H2BC21: variants seen among roughly 807,000 people sequenced by gnomAD.
H2BC21 encodes histone H2B type 2-E.
A neutral mutation model predicts 6.2 loss-of-function variants in H2BC21; 2 were observed. The ratio of observed to expected loss-of-function variants is 0.32; its 90% CI spans 0.13 to 1.02. The LOEUF (loss-of-function observed/expected upper bound fraction) is 1.02. Among genes scored for constraint, H2BC21 ranks in the 50% least tolerant of loss-of-function variants. The pLI is 0.47. For synonymous variants in H2BC21, 109 were observed against 75.2 expected, an observed-to-expected ratio of 1.45 and a Z score of -2.33; for missense variants, 98 against 172.2, an observed-to-expected ratio of 0.57 and a Z score of 2.41.
Position 149,886,669 on chromosome 1 carries a change from C to A in H2BC21, c.-29G>T, listed in dbSNP as rs376419949. ...AAGACACAGTACAAACGCGGCTTAG[C>A]CAAGAAAAGAAGTAAGAGAATGGGC... On this transcript the variant is annotated 5_prime_UTR_variant, in exon 1 of 1. Transcript: ENST00000369155. The A allele has an allele frequency of 1.1e-4, 174 of 1,591,686 alleles. No homozygotes were observed. The highest frequency in any genetic ancestry group is 1.4e-4 in the Non-Finnish European group (166 of 1,171,224).
In H2BC21 at chr1:149,885,820, C is replaced by T. The variant is rs1388014578; in HGVS notation, c.*440G>A. The T allele has an allele frequency of 3.8e-6, 1 of 264,770 alleles. No homozygotes were observed. The highest frequency in any genetic ancestry group is 3.6e-5 in the South Asian group (1 of 27,590). 16.4% of individuals were successfully genotyped at this position (264,770 alleles called of 1,614,324 possible). On this transcript the variant is annotated 3_prime_UTR_variant, in exon 1 of 1. Coordinates refer to ENST00000369155, the MANE Select transcript of H2BC21 (RefSeq NM_003528.3). ...ATACAGAGCTGTCACGCAGTGTTTG[C>T]GGAACCCGGGCTGAATTGTGTCCTG...
rs1479986810 is a variant in H2BC21, at chr1:149,884,589, T to C, written c.*1671A>G. On this transcript the variant is annotated 3_prime_UTR_variant, in exon 1 of 1. Transcript: ENST00000369155. ...AGCTCATTTGGATTCATCAAACCCCTGCCATCAGCTCCAAAAGCCCTTAGC... is the reference window on the plus strand; with the variant it reads ...AGCTCATTTGGATTCATCAAACCCCCGCCATCAGCTCCAAAAGCCCTTAGC... 6.6e-6 allele frequency: 1 copy of C among 152,212 alleles called. No homozygotes were observed. Among genetic ancestry groups the C allele is most frequent in the Non-Finnish European group, 1.5e-5 (1 of 68,040 alleles). The allele number at this position is 152,212 out of a possible 1,614,324, so 9.4% of individuals were successfully genotyped here. A position where few individuals can be genotyped will look rare whatever the true frequency, so the allele number is the denominator to read the frequency against.
rs2092287212 is a variant in H2BC21 at position 149,884,789 on chromosome 1, CT to C, written c.*1470del. Reference sequence around the variant, plus strand: ...GCTGCATGACTGTGAACCAATGAGGCTTCTCTTGGCCTCATTTGTAAAAAGG... The same window carrying C: ...GCTGCATGACTGTGAACCAATGAGGCTCTCTTGGCCTCATTTGTAAAAAGG... On this transcript the variant is annotated 3_prime_UTR_variant, in exon 1 of 1. Coordinates refer to ENST00000369155, the MANE Select transcript of H2BC21 (RefSeq NM_003528.3). The C allele has an allele frequency of 6.6e-6, 1 of 152,220 alleles. No homozygotes were observed. The highest frequency in any genetic ancestry group is 1.5e-5 in the Non-Finnish European group (1 of 68,046). 9.4% of individuals were successfully genotyped at this position (152,220 alleles called of 1,614,324 possible). A position where few individuals can be genotyped will look rare whatever the true frequency, so the allele number is the denominator to read the frequency against.
chr1:149,886,012 TAA>T lies in H2BC21; in HGVS notation c.*246_*247del. 1 of 648,490 alleles carries T rather than the reference TAA, an allele frequency of 1.5e-6. No individual in the cohort carries two copies. The highest frequency in any genetic ancestry group is 2.5e-6 in the Non-Finnish European group (1 of 392,474). 40.2% of individuals were successfully genotyped at this position (648,490 alleles called of 1,614,324 possible). A position where few individuals can be genotyped will look rare whatever the true frequency, so the allele number is the denominator to read the frequency against. ...TGGGAAGGCTAAGCAGCACAATGAG[TAA>T]AGACACGCTCTAGATTCAAAAGCAA... On this transcript the variant is annotated 3_prime_UTR_variant, in exon 1 of 1. Coordinates refer to ENST00000369155, the MANE Select transcript of H2BC21 (RefSeq NM_003528.3).
In H2BC21 at chr1:149,886,642, G is replaced by A. The variant is rs782011765; in HGVS notation, c.-2C>T. The A allele has an allele frequency of 1.9e-6, 3 of 1,612,766 alleles. No homozygotes were observed. The highest frequency in any genetic ancestry group is 2.5e-6 in the Non-Finnish European group (3 of 1,179,604). On this transcript the variant is annotated 5_prime_UTR_variant, in exon 1 of 1. Transcript: ENST00000369155. ...AGCGGATTTTGCCGGTTCAGGCATGGTAAGACACAGTACAAACGCGGCTTA... is the reference window on the plus strand; with the variant it reads ...AGCGGATTTTGCCGGTTCAGGCATGATAAGACACAGTACAAACGCGGCTTA...
At position 149,886,064 on chromosome 1, in the gene H2BC21, G is replaced by A. The variant is rs1263120010; in HGVS notation, c.*196C>T. On this transcript the variant is annotated 3_prime_UTR_variant, in exon 1 of 1. Coordinates refer to ENST00000369155, the MANE Select transcript of H2BC21 (RefSeq NM_003528.3). Reference sequence around the variant, plus strand: ...AATCCAATGACGCACTGGGGACCTCGAGTTCCAAATAGTTAAAAAGCTACG... The same window carrying A: ...AATCCAATGACGCACTGGGGACCTCAAGTTCCAAATAGTTAAAAAGCTACG... 3 of 911,432 alleles carry A rather than the reference G, an allele frequency of 3.3e-6. No homozygotes were observed. Among genetic ancestry groups the A allele is most frequent in the Non-Finnish European group, 4.9e-6 (3 of 615,642 alleles). 56.5% of individuals were successfully genotyped at this position (911,432 alleles called of 1,614,324 possible). A position where few individuals can be genotyped will look rare whatever the true frequency, so the allele number is the denominator to read the frequency against.
In H2BC21 at chr1:149,886,323, C is replaced by T; in HGVS notation, c.318G>A (p.Glu106=). Residue 106 remains glutamate (E), a synonymous_variant, in exon 1 of 1, where the codon GAG becomes GAA. Transcript: ENST00000369155. ...QTAVRLLLPG[E]LAKHAVSEGT... ...CCTCGGACACGGCGTGCTTGGCCAG[C>T]TCGCCGGGCAGCAGCAGGCGCACGG... 2 of 1,614,094 alleles carry T rather than the reference C, an allele frequency of 1.2e-6. No individual in the cohort carries two copies. The highest frequency in any genetic ancestry group is 1.7e-6 in the Non-Finnish European group (2 of 1,180,006).
Position 149,886,599 on chromosome 1 carries a change from G to A in H2BC21, c.42C>T (p.Gly14=), listed in dbSNP as rs782081628. 5 of 1,614,110 alleles carry A rather than the reference G, an allele frequency of 3.1e-6. No homozygotes were observed. The highest frequency in any genetic ancestry group is 1.1e-5 in the South Asian group (1 of 91,084). Reference sequence around the variant, plus strand: ...GGGCTTTGGTGACGGCTTTCTTGGAGCCCTTTTTAGGGGCCGGAGCGGATT... The same window carrying A: ...GGGCTTTGGTGACGGCTTTCTTGGAACCCTTTTTAGGGGCCGGAGCGGATT... ...PAKSAPAPKK[G]SKKAVTKAQK... is the part of the protein sequence containing the mutation. Residue 14 remains glycine (G), a synonymous_variant, in exon 1 of 1, where the codon GGC becomes GGT. Transcript: ENST00000369155.
At position 149,886,632 on chromosome 1, in the gene H2BC21, T is replaced by C. The variant is rs139304638; in HGVS notation, c.9A>G (p.Glu3=). MP[E]PAKSAPAPKK... ...TAGGGGCCGGAGCGGATTTTGCCGGTTCAGGCATGGTAAGACACAGTACAA... is the reference window on the plus strand; with the variant it reads ...TAGGGGCCGGAGCGGATTTTGCCGGCTCAGGCATGGTAAGACACAGTACAA... Residue 3 remains glutamate (E), a synonymous_variant, in exon 1 of 1, where the codon GAA becomes GAG. Coordinates refer to ENST00000369155, the MANE Select transcript of H2BC21 (RefSeq NM_003528.3). The C allele has an allele frequency of 3.1e-5, 50 of 1,613,722 alleles. 1 individual carries two copies. The Middle Eastern group carries it at 4.9e-4, about 16-fold the overall frequency.
chr1:149,885,217 G>C lies in H2BC21; in HGVS notation c.*1043C>G, dbSNP rs1467522299. The C allele has an allele frequency of 6.6e-6, 1 of 152,648 alleles. No individual in the cohort carries two copies. Among genetic ancestry groups the C allele is most frequent in the Non-Finnish European group, 1.5e-5 (1 of 68,048 alleles). 9.5% of individuals were successfully genotyped at this position (152,648 alleles called of 1,614,324 possible). A position where few individuals can be genotyped will look rare whatever the true frequency, so the allele number is the denominator to read the frequency against. On this transcript the variant is annotated 3_prime_UTR_variant, in exon 1 of 1. Transcript: ENST00000369155. ...TTCATCCATCCACGGAAGCGATTAA[G>C]AAAAGGGTGGGATGGAAAAATTAAC...
Position 149,884,867 on chromosome 1 carries a change from G to C in H2BC21, c.*1393C>G, listed in dbSNP as rs2092287582. The C allele has an allele frequency of 6.6e-6, 1 of 152,350 alleles. No homozygotes were observed. Among genetic ancestry groups the C allele is most frequent in the East Asian group, 1.9e-4 (1 of 5,194 alleles). The allele number at this position is 152,350 out of a possible 1,614,324, so 9.4% of individuals were successfully genotyped here. ...TTGCATGGCCTCCAGAAAAGCAAAT[G>C]AGGTGGTAAGTGTAAATTAAAAGCT... is the stretch of plus-strand genomic sequence containing the variant. On this transcript the variant is annotated 3_prime_UTR_variant, in exon 1 of 1. Transcript: ENST00000369155.
At position 149,886,128 on chromosome 1, in the gene H2BC21, C is replaced by A; in HGVS notation, c.*132G>T. 6.9e-7 allele frequency: 1 copy of A among 1,455,124 alleles called. No individual in the cohort carries two copies. The highest frequency in any genetic ancestry group is 9.3e-7 in the Non-Finnish European group (1 of 1,078,482). 90.1% of individuals were successfully genotyped at this position (1,455,124 alleles called of 1,614,324 possible). A position where few individuals can be genotyped will look rare whatever the true frequency, so the allele number is the denominator to read the frequency against. ...ATGACCTTCACACTAAAATAACTTA[C>A]TTTATGAAAAGAAACTAAGGGAATA... On this transcript the variant is annotated 3_prime_UTR_variant, in exon 1 of 1. Transcript: ENST00000369155.
Position 149,886,272 on chromosome 1 carries a change from G to T in H2BC21, c.369C>A (p.Thr123=). 1 of 1,614,098 alleles carries T rather than the reference G, an allele frequency of 6.2e-7. No individual in the cohort carries two copies. Among genetic ancestry groups the T allele is most frequent in the Non-Finnish European group, 8.5e-7 (1 of 1,179,968 alleles). The change falls in exon 1 of 1, where the codon ACC becomes ACA. Residue 123 remains threonine (T), a synonymous_variant. Transcript: ENST00000369155. ...SEGTKAVTKY[T]SSK ...TCCCGGCAGGGACTCACTTGGAGCT[G>T]GTGTACTTGGTGACCGCCTTGGTGC...
chr1:149,885,462 G>A lies in H2BC21; in HGVS notation c.*798C>T, dbSNP rs1159999005. On this transcript the variant is annotated 3_prime_UTR_variant, in exon 1 of 1. Coordinates refer to ENST00000369155, the MANE Select transcript of H2BC21 (RefSeq NM_003528.3). ...GAGTGGATGACGTAGGTCTCTGAGA[G>A]GTGACTTTTGAGCCCGTATCTACAT... is the stretch of plus-strand genomic sequence containing the variant. 6.6e-6 allele frequency: 1 copy of A among 152,250 alleles called. No individual in the cohort carries two copies. The highest frequency in any genetic ancestry group is 1.5e-5 in the Non-Finnish European group (1 of 68,068). The allele number at this position is 152,250 out of a possible 1,614,324, so 9.4% of individuals were successfully genotyped here.
In H2BC21 at chr1:149,886,251, G is replaced by C; in HGVS notation, c.*9C>G. 6.2e-7 allele frequency: 1 copy of C among 1,614,050 alleles called. No individual in the cohort carries two copies. Among genetic ancestry groups the C allele is most frequent in the Non-Finnish European group, 8.5e-7 (1 of 1,179,950 alleles). ...CTCGAGCGAGCGAGCGCCAGGTCCC[G>C]GCAGGGACTCACTTGGAGCTGGTGT... is the stretch of plus-strand genomic sequence containing the variant. On this transcript the variant is annotated 3_prime_UTR_variant, in exon 1 of 1. Transcript: ENST00000369155.
rs1553759759 is a variant in H2BC21 at position 149,886,551 on chromosome 1, G to A, written c.90C>T (p.Arg30=). Residue 30 remains arginine (R), a synonymous_variant, in exon 1 of 1, where the codon CGC becomes CGT. Coordinates refer to ENST00000369155, the MANE Select transcript of H2BC21 (RefSeq NM_003528.3). ...AGTAGCTCTCTTTGCGGCTGCGCTT[G>A]CGCTTCTTGCCGTCTTTCTTCTGGG... The part of the protein sequence containing the change: ...TKAQKKDGKK[R]KRSRKESYSI... The A allele has an allele frequency of 3.1e-6, 5 of 1,614,248 alleles. No homozygotes were observed. The Admixed American group carries it at 5.0e-5, about 16-fold the overall frequency.
Position 149,886,161 on chromosome 1 carries a change from A to G in H2BC21, c.*99T>C, listed in dbSNP as rs1220213404. ...AAAGAAACTAAGGGAATAAGTGAAC[A>G]AGCTCTTTTCTAGTGATTAGGTGGG... is the stretch of plus-strand genomic sequence containing the variant. On this transcript the variant is annotated 3_prime_UTR_variant, in exon 1 of 1. Coordinates refer to ENST00000369155, the MANE Select transcript of H2BC21 (RefSeq NM_003528.3). The G allele has an allele frequency of 1.1e-5, 18 of 1,574,718 alleles. No individual in the cohort carries two copies. The highest frequency in any genetic ancestry group is 1.6e-5 in the Non-Finnish European group (18 of 1,156,904).
chr1:149,886,485 G>A lies in H2BC21; in HGVS notation c.156C>T (p.Asp52=), dbSNP rs1559774407. 6 of 1,614,284 alleles carry A rather than the reference G, an allele frequency of 3.7e-6. No homozygotes were observed. The highest frequency in any genetic ancestry group is 1.6e-4 in the Middle Eastern group (1 of 6,062). ...CCATGGCCTTGGACGAGATGCCGGT[G>A]TCGGGGTGGACCTGCTTCAGCACCT... ...VYKVLKQVHP[D]TGISSKAMGI... Residue 52 remains aspartate, a synonymous_variant, in exon 1 of 1, where the codon GAC becomes GAT. Coordinates refer to ENST00000369155, the MANE Select transcript of H2BC21 (RefSeq NM_003528.3).
In H2BC21 at chr1:149,886,610, G is replaced by C. The variant is rs781982772; in HGVS notation, c.31C>G (p.Pro11Ala). 6 of 1,614,018 alleles carry C rather than the reference G, an allele frequency of 3.7e-6. No homozygotes were observed. Among genetic ancestry groups the C allele is most frequent in the Non-Finnish European group, 5.1e-6 (6 of 1,180,004 alleles). Residue 11 changes from proline (P) to alanine (A), a missense_variant, in exon 1 of 1, where the codon CCT becomes GCT. Transcript: ENST00000369155. Reference sequence around the variant, plus strand: ...ACGGCTTTCTTGGAGCCCTTTTTAGGGGCCGGAGCGGATTTTGCCGGTTCA... The same window carrying C: ...ACGGCTTTCTTGGAGCCCTTTTTAGCGGCCGGAGCGGATTTTGCCGGTTCA... Reference protein sequence around the residue: MPEPAKSAPAPKKGSKKAVTK... With the variant: MPEPAKSAPAAKKGSKKAVTK...
Sources: gnomAD v4.1 joint callset for allele counts on GRCh38, gnomAD v4.1.1 for gene constraint, MANE v1.5 for transcripts, NCBI Gene and HGNC (gene_info 2026-07-23, HGNC 2026-07-21) for gene names.